Variants in RLF observed in about 807,000 individuals in gnomAD.
RLF encodes RLF zinc finger.
RLF carries 7 observed loss-of-function variants against 162.9 expected under a neutral mutation model. That is an observed-to-expected ratio of 0.04 (90% CI 0.02 to 0.08). The LOEUF (loss-of-function observed/expected upper bound fraction) is 0.08. Ranked by LOEUF, RLF falls within the 10% of genes least tolerant of loss-of-function variation. The pLI is 1.00. For synonymous variants in RLF, 782 were observed against 791.5 expected (o/e 0.99, Z 0.20); for missense variants, 1,664 against 2,244.7 (o/e 0.74, Z 5.23).
intron 3 of RLF, among the ~76,000 whole-genome samples, chr1:40,191,494 C>T (rs1216109065): frequency 6.6e-6 from 1 of 150,938 alleles, no homozygotes; most frequent in African/African-American, 2.4e-5. Flanking sequence ...GCCAAGATCG[C>T]ACCACTGCAC....
intron 1 of RLF, among the ~76,000 whole-genome samples, chr1:40,183,426 A>T (rs1370776405): frequency 6.6e-6 from 1 of 152,204 alleles, no homozygotes; most frequent in South Asian, 2.1e-4. Flanking sequence ...GAAGTACAGG[A>T]TATCTGTCAG....
In RLF at chr1:40,212,600, A is replaced by T. The variant is rs527899894; in HGVS notation, c.811-9974A>T. On this transcript the variant is annotated intron_variant, in intron 5 of 7. Transcript: ENST00000372771. ...GCACTTCTATTTTAAAGAGCTCAAG[A>T]AATCTGTCAGCAGAGTTCTTGGCGC... Among the ~76,000 whole-genome samples the T allele has an allele frequency of 5.9e-5, 9 of 152,312 alleles. No individual in the cohort carries two copies. The South Asian group carries it at 1.9e-3, about 32-fold the overall frequency.
chr1:40,166,660 A>G (rs1642169384), intron 1 of RLF, among the ~76,000 whole-genome samples: 1 of 152,066 alleles, frequency 6.6e-6, no homozygotes, highest in Non-Finnish European at 1.5e-5. Context: ...TACACCATGG[A>G]ATACCGTGCA....
intron 1 of RLF, among the ~76,000 whole-genome samples, chr1:40,174,836 CTCTT>C (rs1278702484): frequency 6.6e-6 from 1 of 152,152 alleles, no homozygotes; most frequent in East Asian, 1.9e-4. Flanking sequence ...TATGCTCACT[CTCTT>C]TATTTGGTTT....
At chr1:40,215,900 A>G (rs907277369) in intron 5 of RLF, among the ~76,000 whole-genome samples, 7 of 151,976 alleles carry the variant, frequency 4.6e-5, no homozygotes, top group Non-Finnish European at 7.4e-5. Context: ...GAGCAAATTA[A>G]ACTGAAAGCA....
intron 5 of RLF, among the ~76,000 whole-genome samples, chr1:40,203,952 T>C (rs1642754421): frequency 6.6e-6 from 1 of 152,080 alleles, no homozygotes; most frequent in Admixed American, 6.5e-5. Flanking sequence ...TTATCCCCCT[T>C]ATGTATTCAC....
At position 40,239,071 on chromosome 1, in the gene RLF, C is replaced by T. The variant is rs1441454867; in HGVS notation, c.4369C>T (p.His1457Tyr). The T allele has an allele frequency of 1.9e-6, 3 of 1,614,162 alleles. No individual in the cohort carries two copies. The highest frequency in any genetic ancestry group is 2.2e-5 in the East Asian group (1 of 44,886). The change falls in exon 8 of 8, where the codon CAT becomes TAT. Residue 1457 changes from histidine (H) to tyrosine (Y), a missense_variant. Physicochemically the swap from His to Tyr is moderately conservative, Grantham distance 83. This residue lies in a region of RLF where 200 missense variants were observed against 207.3 expected (regional missense o/e 0.96). Coordinates refer to ENST00000372771, the MANE Select transcript of RLF (RefSeq NM_012421.4). ...DLNGCGQIFTHRSNYSQHVYY... is the reference protein window; with the variant it reads ...DLNGCGQIFTYRSNYSQHVYY... ...TAATGGCTGTGGCCAGATTTTCACC[C>T]ATCGCAGTAATTACTCACAACATGT...
intron 1 of RLF, among the ~76,000 whole-genome samples, chr1:40,183,258 A>C (rs1642430129): frequency 6.6e-6 from 1 of 152,174 alleles, no homozygotes; most frequent in African/African-American, 2.4e-5. Context: ...CATGCTGAGA[A>C]ATTTAAATAA....
At chr1:40,230,395 G>C (rs1036940997) in intron 6 of RLF, among the ~76,000 whole-genome samples, 2 of 152,094 alleles carry the variant, frequency 1.3e-5, no homozygotes, top group East Asian at 3.8e-4. Context: ...CATGTATTAA[G>C]TGATAGCATT....
intron 5 of RLF, among the ~76,000 whole-genome samples, chr1:40,216,320 TAA>T (rs1570551158): frequency 6.6e-6 from 1 of 152,030 alleles, no homozygotes; most frequent in East Asian, 1.9e-4. Context: ...CCGTCTCTAC[TAA>T]AAATACAAAA....
intron 5 of RLF, among the ~76,000 whole-genome samples, chr1:40,221,762 C>T (rs562588646): frequency 5.5e-4 from 83 of 151,568 alleles, no homozygotes; most frequent in Non-Finnish European, 1.1e-3. Flanking sequence ...TAGCTGGGCA[C>T]GGTGGTGGGC....
intron 1 of RLF, among the ~76,000 whole-genome samples, chr1:40,185,391 A>G (rs1642461175): frequency 6.7e-6 from 1 of 148,728 alleles, no homozygotes; most frequent in African/African-American, 2.5e-5. Flanking sequence ...CGGCCTCCCA[A>G]AGTGCTGGGA....
chr1:40,230,525 A>G (rs1035719033), intron 6 of RLF, among the ~76,000 whole-genome samples: 1 of 152,014 alleles, frequency 6.6e-6, no homozygotes. Context: ...TCCACCTCCC[A>G]GGTTCAAGCG....
chr1:40,165,522 C>T (rs979424877), intron 1 of RLF, among the ~76,000 whole-genome samples: 1 of 152,276 alleles, frequency 6.6e-6, no homozygotes, highest in South Asian at 2.1e-4. Context: ...GTCATCCCTT[C>T]TGTGAAGCTT....
intron 1 of RLF, among the ~76,000 whole-genome samples, chr1:40,177,507 A>G (rs982302015): frequency 1.3e-5 from 2 of 151,018 alleles, no homozygotes; most frequent in African/African-American, 2.4e-5. Flanking sequence ...GTTAGCCAGG[A>G]TGGGGTCTAT....
In RLF at chr1:40,240,884, TTTGAG is replaced by T. The variant is rs1220636730; in HGVS notation, c.*445_*449del. The T allele has an allele frequency of 6.5e-6, 1 of 153,634 alleles. No individual in the cohort carries two copies. Among genetic ancestry groups the T allele is most frequent in the African/African-American group, 2.4e-5 (1 of 41,456 alleles). 9.5% of individuals were successfully genotyped at this position (153,634 alleles called of 1,614,324 possible). ...TTGTACACTACAGCATCTTATATTT[TTTGAG>T]TTGAGTTTCAATAAATTACAATTTT... On this transcript the variant is annotated 3_prime_UTR_variant, in exon 8 of 8. Transcript: ENST00000372771.
At chr1:40,194,807 GTTAT>G (rs56209515) in intron 3 of RLF, among the ~76,000 whole-genome samples, 50,588 of 143,726 alleles carry the variant, frequency 0.35, 9,412 homozygotes, top group Middle Eastern at 0.5. Flanking sequence ...AAACATCCTA[GTTAT>G]TTATTTATTT....
rs747392529 is a variant in RLF at position 40,240,158 on chromosome 1, A to G, written c.5456A>G (p.Asn1819Ser). 1 of 1,614,222 alleles carries G rather than the reference A, an allele frequency of 6.2e-7. No homozygotes were observed. The highest frequency in any genetic ancestry group is 8.5e-7 in the Non-Finnish European group (1 of 1,180,044). ...AATGTTGTGGCAAATAATATGGTGA[A>G]TGACAGTGAACCTGAAGTTGACATA... ...TGNVVANNMV[N>S]DSEPEVDIPH... Residue 1819 changes from asparagine (N) to serine (S), a missense_variant, in exon 8 of 8, where the codon AAT becomes AGT. By Grantham distance (46) the Asn-to-Ser change is conservative. Coordinates refer to ENST00000372771, the MANE Select transcript of RLF (RefSeq NM_012421.4).
intron 1 of RLF, among the ~76,000 whole-genome samples, chr1:40,185,835 AAAAAAAGC>A (rs1642471142): frequency 8.8e-6 from 1 of 113,552 alleles, no homozygotes. Context: ...TCAAAAAAAA[AAAAAAAGC>A]AAAAAAAAAA....
Sources: allele counts gnomAD v4.1 joint callset (sites outside exome capture counted in the v4.1 genomes callset), GRCh38; gene constraint gnomAD v4.1.1; regional missense constraint gnomAD v4.1.1; transcripts MANE v1.5; gene names NCBI Gene and HGNC (gene_info 2026-07-23, HGNC 2026-07-21).